ARL13B: variants seen among roughly 807,000 people sequenced by gnomAD.
The protein encoded by ARL13B is ADP-ribosylation factor-like protein 13B.
ARL13B carries 36 observed loss-of-function variants against 56.1 expected under a neutral mutation model. The ratio of observed to expected loss-of-function variants is 0.64; its 90% CI spans 0.49 to 0.85. The LOEUF (loss-of-function observed/expected upper bound fraction) is 0.85. Among genes scored for constraint, ARL13B ranks in the 40% least tolerant of loss-of-function variants. The probability of loss-of-function intolerance (pLI) is 0.00; values close to 1 mark genes in which losing one functional copy is unlikely to be tolerated. For synonymous variants in ARL13B, 178 were observed against 171.1 expected, an observed-to-expected ratio of 1.04 and a Z score of -0.32; for missense variants, 519 against 507.1, an observed-to-expected ratio of 1.02 and a Z score of -0.23.
chr3:94,032,293 T>C (rs2076689734), intron 3 of ARL13B, among the ~76,000 whole-genome samples: 1 of 152,090 alleles, frequency 6.6e-6, no homozygotes, highest in Non-Finnish European at 1.5e-5. Context: ...AACAAGCATA[T>C]GAAAAAAATG....
At position 94,003,708 on chromosome 3, in the gene ARL13B, T is replaced by C; in HGVS notation, c.180T>C (p.Leu60=). ...CTGTTGGATTTTCAAAAATTAACCT[T>C]AGACAAGGAAAGTTTGAAGTCACCA... ...APTVGFSKIN[L]RQGKFEVTIF... is the part of the protein sequence containing the mutation. The change falls in exon 3 of 10, where the codon CTT becomes CTC. Residue 60 remains leucine (L), a synonymous_variant. Coordinates refer to ENST00000394222, the MANE Select transcript of ARL13B (RefSeq NM_001174150.2). 1.2e-6 allele frequency: 2 copies of C among 1,613,554 alleles called. No individual in the cohort carries two copies. The highest frequency in any genetic ancestry group is 1.7e-6 in the Non-Finnish European group (2 of 1,179,614).
chr3:93,994,814 T>C (rs1553828483), intron 1 of ARL13B, among the ~76,000 whole-genome samples: 1 of 151,596 alleles, frequency 6.6e-6, no homozygotes, highest in Non-Finnish European at 1.5e-5. Flanking sequence ...TTTTTTTTTG[T>C]AAATCTCTTG....
chr3:94,004,599 T>C (rs1199342180), intron 3 of ARL13B, among the ~76,000 whole-genome samples: 1 of 151,996 alleles, frequency 6.6e-6, no homozygotes, highest in Non-Finnish European at 1.5e-5. Context: ...CTTGTCCCTT[T>C]TCCCTTGTTC....
chr3:93,999,297 G>A (rs1182869599), intron 2 of ARL13B, among the ~76,000 whole-genome samples: 1 of 151,686 alleles, frequency 6.6e-6, no homozygotes, highest in Non-Finnish European at 1.5e-5. Flanking sequence ...GCTGGAGTTC[G>A]GTGGCGTGAT....
chr3:93,989,720 T>C (rs1348786770), intron 1 of ARL13B, among the ~76,000 whole-genome samples: 1 of 152,168 alleles, frequency 6.6e-6, no homozygotes, highest in African/African-American at 2.4e-5. Context: ...TAATGTGCCA[T>C]ATAGCTTAGA....
At chr3:94,040,454 C>A (rs2076842589) in intron 6 of ARL13B, among the ~76,000 whole-genome samples, 1 of 152,132 alleles carries the variant, frequency 6.6e-6, no homozygotes, top group Non-Finnish European at 1.5e-5. Flanking sequence ...TCTCCTATAT[C>A]TGAATATCAT....
rs752164205 is a variant in ARL13B, at chr3:94,053,309, G to A, written c.*46G>A. The A allele has an allele frequency of 6.6e-7, 1 of 1,509,616 alleles. No homozygotes were observed. The highest frequency in any genetic ancestry group is 9.2e-7 in the Non-Finnish European group (1 of 1,086,918). 93.5% of individuals were successfully genotyped at this position (1,509,616 alleles called of 1,614,324 possible). On this transcript the variant is annotated 3_prime_UTR_variant, in exon 10 of 10. Coordinates refer to ENST00000394222, the MANE Select transcript of ARL13B (RefSeq NM_001174150.2). ...CTCTTAATATCAGCAAGGTGAACTG[G>A]GACATTCTTCTTTCTCAGAAGAAGA... is the stretch of plus-strand genomic sequence containing the variant.
intron 3 of ARL13B, among the ~76,000 whole-genome samples, chr3:94,013,307 C>G (rs956540273): frequency 6.6e-6 from 1 of 152,160 alleles, no homozygotes; most frequent in Non-Finnish European, 1.5e-5. Flanking sequence ...TTAACATTAT[C>G]TAATATTTGT....
intron 7 of ARL13B, among the ~76,000 whole-genome samples, chr3:94,044,910 C>T (rs1170058317): frequency 4.6e-5 from 7 of 151,750 alleles, no homozygotes; most frequent in African/African-American, 9.7e-5. Context: ...CGCCTCTGCC[C>T]GCCGCCGCAT....
intron 1 of ARL13B, among the ~76,000 whole-genome samples, chr3:93,987,083 C>T (rs1370333484): frequency 3.9e-5 from 6 of 152,092 alleles, no homozygotes; most frequent in Admixed American, 3.9e-4. Context: ...GTGATAATGT[C>T]ATTCAGGAAA....
At chr3:94,010,545 A>AT (rs1280670796) in intron 3 of ARL13B, among the ~76,000 whole-genome samples, 1 of 151,846 alleles carries the variant, frequency 6.6e-6, no homozygotes, top group African/African-American at 2.4e-5. Flanking sequence ...TCTTTTAATA[A>AT]TTTTTTCCCT....
intron 3 of ARL13B, chr3:94,015,178 T>C (rs1258627602): frequency 6.2e-7 from 1 of 1,613,828 alleles, no homozygotes. Context: ...AAACACCCCT[T>C]GTTCCTCTGT....
At chr3:94,043,291 AC>A (rs2076896594) in intron 7 of ARL13B, 51 bp downstream of exon 7, 2 of 1,443,266 alleles carry the variant, frequency 1.4e-6, no homozygotes, top group Admixed American at 3.8e-5. Flanking sequence ...TATAAATAAA[AC>A]TTATACTTCA....
intron 3 of ARL13B, among the ~76,000 whole-genome samples, chr3:94,013,046 TCTCACTG>T (rs1414224888): frequency 6.6e-6 from 1 of 152,166 alleles, no homozygotes. Flanking sequence ...TCATCTCATA[TCTCACTG>T]CTCTTTTCTG....
chr3:94,053,303 G>T lies in ARL13B; in HGVS notation c.*40G>T. 2 of 1,528,638 alleles carry T rather than the reference G, an allele frequency of 1.3e-6. No individual in the cohort carries two copies. The highest frequency in any genetic ancestry group is 1.1e-5 in the South Asian group (1 of 89,356). The allele number at this position is 1,528,638 out of a possible 1,614,324, so 94.7% of individuals were successfully genotyped here. On this transcript the variant is annotated 3_prime_UTR_variant, in exon 10 of 10. Coordinates refer to ENST00000394222, the MANE Select transcript of ARL13B (RefSeq NM_001174150.2). Reference sequence around the variant, plus strand: ...GGAGTTCTCTTAATATCAGCAAGGTGAACTGGGACATTCTTCTTTCTCAGA... The same window carrying T: ...GGAGTTCTCTTAATATCAGCAAGGTTAACTGGGACATTCTTCTTTCTCAGA...
At chr3:94,033,629 T>A (rs1292062145) in intron 3 of ARL13B, among the ~76,000 whole-genome samples, 8 of 152,170 alleles carry the variant, frequency 5.3e-5, no homozygotes, top group African/African-American at 1.9e-4. Context: ...TAAGTAAAGG[T>A]CATCAATGGC....
chr3:94,038,423 A>G (rs2076805685), intron 5 of ARL13B, among the ~76,000 whole-genome samples: 1 of 151,766 alleles, frequency 6.6e-6, no homozygotes, highest in Non-Finnish European at 1.5e-5. Flanking sequence ...ATGGTAATGA[A>G]CATTTACATT....
chr3:93,989,694 A>G (rs2075833939), intron 1 of ARL13B, among the ~76,000 whole-genome samples: 1 of 151,946 alleles, frequency 6.6e-6, no homozygotes, highest in African/African-American at 2.4e-5. Context: ...TATTTCATTC[A>G]TGAAATTCTG....
chr3:94,030,847 A>T (rs1220710874), intron 3 of ARL13B, among the ~76,000 whole-genome samples: 1 of 152,144 alleles, frequency 6.6e-6, no homozygotes, highest in Non-Finnish European at 1.5e-5. Flanking sequence ...ATGTCATTAG[A>T]AACTGTAGTT....
Sources: allele counts gnomAD v4.1 joint callset (sites outside exome capture counted in the v4.1 genomes callset), GRCh38; gene constraint gnomAD v4.1.1; transcripts MANE v1.5; gene names NCBI Gene and HGNC (gene_info 2026-07-23, HGNC 2026-07-21).